Variants in MALRD1 observed in about 807,000 individuals in gnomAD.
MALRD1 encodes the protein MAM and LDL-receptor class A domain-containing protein 1.
In MALRD1, 247 loss-of-function variants were observed where a neutral mutation model predicts 242.1. The ratio of observed to expected loss-of-function variants is 1.02; its 90% confidence interval spans 0.92 to 1.13. The LOEUF is 1.13. MALRD1 is among the 50% of genes most tolerant of loss of function. MALRD1 has a pLI of 0.00. For synonymous variants in MALRD1, 995 were observed against 866.6 expected, an observed-to-expected ratio of 1.15 and a Z score of -2.60; for missense variants, 2,989 against 2,533.1, an observed-to-expected ratio of 1.18 and a Z score of -3.86.
intron 14 of MALRD1, among the ~76,000 whole-genome samples, chr10:19,190,788 C>T (rs898526318): frequency 2.6e-5 from 4 of 151,872 alleles, no homozygotes; most frequent in Non-Finnish European, 5.9e-5. Flanking sequence ...TACCTAACTT[C>T]ATATTCAAAA....
chr10:19,520,976 C>G lies in MALRD1; in HGVS notation c.5321-10218C>G, dbSNP rs192570512. On this transcript the variant is annotated intron_variant, in intron 31 of 39. Coordinates refer to ENST00000454679, the MANE Select transcript of MALRD1 (RefSeq NM_001142308.3). ...TTTATTTAAAATATTTCCAAGAATA[C>G]TTAACAAATGTTTCAAGCACGACCC... Among the ~76,000 whole-genome samples, 132 of 152,238 alleles carry G rather than the reference C, an allele frequency of 8.7e-4. 1 individual carries two copies. The highest frequency in any genetic ancestry group is 8.6e-3 in the Admixed American group (132 of 15,282).
chr10:19,675,524 G>T (rs543496206), intron 36 of MALRD1, among the ~76,000 whole-genome samples: 4 of 152,280 alleles, frequency 2.6e-5, no homozygotes, highest in African/African-American at 9.6e-5. Context: ...AAATTATTGG[G>T]CCACCCCAGA....
At chr10:19,082,156 C>T (rs980500424) in intron 2 of MALRD1, among the ~76,000 whole-genome samples, 3 of 151,124 alleles carry the variant, frequency 2.0e-5, no homozygotes, top group Non-Finnish European at 4.4e-5. Flanking sequence ...TATTAATATC[C>T]TTTTCTTTTT....
intron 21 of MALRD1, among the ~76,000 whole-genome samples, chr10:19,322,848 G>A (rs1051342090): frequency 9.9e-5 from 15 of 152,110 alleles, no homozygotes; most frequent in African/African-American, 2.9e-4. Context: ...GTAGTTTCTA[G>A]CATCTATATT....
intron 28 of MALRD1, among the ~76,000 whole-genome samples, chr10:19,403,770 C>A (rs996540269): frequency 2.6e-5 from 4 of 151,996 alleles, no homozygotes; most frequent in African/African-American, 9.7e-5. Context: ...GCATATGGCT[C>A]CTGAATGATG....
intron 19 of MALRD1, among the ~76,000 whole-genome samples, chr10:19,260,853 C>T (rs116338276): frequency 0.011 from 1,702 of 152,190 alleles, 32 homozygotes; most frequent in African/African-American, 0.039. Context: ...TAATGTTCAC[C>T]ACTAGTGTTA....
chr10:19,324,139 C>G (rs72782366), intron 22 of MALRD1, 34 bp downstream of exon 22: 21,806 of 1,538,774 alleles, frequency 0.014, 193 homozygotes, highest in Non-Finnish European at 0.017. Context: ...TCTGAATTTT[C>G]TCTCTAAAAG....
intron 36 of MALRD1, among the ~76,000 whole-genome samples, chr10:19,622,660 A>AC (rs138136387): frequency 0.054 from 8,183 of 150,894 alleles, 655 homozygotes; most frequent in African/African-American, 0.18. Context: ...AAAAAAAAAA[A>AC]CAAACTATGA....
chr10:19,187,064 A>G (rs1167256490), intron 14 of MALRD1, among the ~76,000 whole-genome samples: 1 of 152,202 alleles, frequency 6.6e-6, no homozygotes, highest in East Asian at 1.9e-4. Flanking sequence ...AAAAGACCAC[A>G]TAATAATTTA....
intron 2 of MALRD1, among the ~76,000 whole-genome samples, chr10:19,071,828 G>A (rs566503317): frequency 6.6e-6 from 1 of 152,242 alleles, no homozygotes; most frequent in African/African-American, 2.4e-5. Flanking sequence ...CGTTTCTGCA[G>A]CCTCTGTCTG....
At chr10:19,607,385 T>G (rs1052466706) in intron 34 of MALRD1, among the ~76,000 whole-genome samples, 1 of 152,132 alleles carries the variant, frequency 6.6e-6, no homozygotes, top group Non-Finnish European at 1.5e-5. Flanking sequence ...CTTCTTGCTG[T>G]GTCTTCACGT....
chr10:19,082,559 A>G (rs1247979394), intron 2 of MALRD1, among the ~76,000 whole-genome samples: 1 of 151,912 alleles, frequency 6.6e-6, no homozygotes. Context: ...TCTTTGTCTA[A>G]TAAGTCTGGT....
chr10:19,493,466 A>G (rs957959308), intron 30 of MALRD1, among the ~76,000 whole-genome samples: 3 of 152,106 alleles, frequency 2.0e-5, no homozygotes, highest in African/African-American at 7.2e-5. Flanking sequence ...ATTCTCAAAT[A>G]AAACTTATAG....
At chr10:19,620,019 A>AAAT (rs1554815284) in intron 36 of MALRD1, among the ~76,000 whole-genome samples, 3 of 58,470 alleles carry the variant, frequency 5.1e-5, no homozygotes, top group Non-Finnish European at 1.9e-4. Context: ...TAATAATAAT[A>AAAT]AATAATAATA....
At chr10:19,213,100 T>G (rs1837146096) in intron 18 of MALRD1, among the ~76,000 whole-genome samples, 1 of 152,114 alleles carries the variant, frequency 6.6e-6, no homozygotes, top group African/African-American at 2.4e-5. Context: ...GATGAGTTCT[T>G]CTTATCAATA....
At chr10:19,146,707 T>C (rs899233123) in intron 11 of MALRD1, among the ~76,000 whole-genome samples, 2 of 152,240 alleles carry the variant, frequency 1.3e-5, no homozygotes, top group Admixed American at 1.3e-4. Context: ...TAATCTTGTT[T>C]CTGGGAACTG....
At chr10:19,223,974 GT>G (rs1238179700) in intron 18 of MALRD1, among the ~76,000 whole-genome samples, 4 of 152,126 alleles carry the variant, frequency 2.6e-5, no homozygotes, top group African/African-American at 9.7e-5. Flanking sequence ...TTGGTTCCTA[GT>G]CTTTTCTATT....
At chr10:19,587,576 A>G (rs1293680749) in intron 33 of MALRD1, among the ~76,000 whole-genome samples, 2 of 152,232 alleles carry the variant, frequency 1.3e-5, no homozygotes, top group Non-Finnish European at 2.9e-5. Flanking sequence ...TTTCATTGCA[A>G]ATTATCAGTG....
At chr10:19,245,230 A>G (rs1838990609) in intron 18 of MALRD1, among the ~76,000 whole-genome samples, 1 of 152,200 alleles carries the variant, frequency 6.6e-6, no homozygotes, top group African/African-American at 2.4e-5. Context: ...ACTATAATCT[A>G]GGTAACGTGA....
Sources: allele counts gnomAD v4.1 joint callset (sites outside exome capture counted in the v4.1 genomes callset), GRCh38; gene constraint gnomAD v4.1.1; transcripts MANE v1.5; gene names NCBI Gene and HGNC (gene_info 2026-07-23, HGNC 2026-07-21).